Variants in CDH24 observed in about 807,000 individuals in gnomAD.
CDH24 encodes the protein cadherin 24.
Under a neutral mutation model 71.2 loss-of-function variants are expected in CDH24, and 61 were observed. That is an observed-to-expected ratio of 0.86 (90% CI 0.70 to 1.06). The LOEUF is 1.06. Ranked by LOEUF, CDH24 falls within the 50% of genes least tolerant of loss-of-function variation. The pLI is 0.00. For missense variants in CDH24, 961 were observed against 1,083.7 expected, an observed-to-expected ratio of 0.89 and a Z score of 1.59; for synonymous variants, 440 against 470.2, an observed-to-expected ratio of 0.94 and a Z score of 0.83.
chr14:23,049,390 G>A (rs2047067365), intron 10 of CDH24, 115 bp from the exon 11 acceptor site: 2 of 1,018,750 alleles, frequency 2.0e-6, no homozygotes, highest in Admixed American at 2.5e-5. Context: ...CAGCCCATAG[G>A]TCCAGCCCAT....
In CDH24 at chr14:23,055,768, C is replaced by T; in HGVS notation, c.-35G>A. 15 of 1,506,120 alleles carry T rather than the reference C, an allele frequency of 1.0e-5. No individual in the cohort carries two copies. Among genetic ancestry groups the T allele is most frequent in the Middle Eastern group, 4.9e-4 (2 of 4,082 alleles). 93.3% of individuals were successfully genotyped at this position (1,506,120 alleles called of 1,614,324 possible). ...CCAGCCAGGGCTCTGTTCACTGGCC[C>T]TGGGTGCTGAGGCTGGGCCAGGCCA... On this transcript the variant is annotated 5_prime_UTR_variant, in exon 2 of 13. Coordinates refer to ENST00000487137, the MANE Select transcript of CDH24 (RefSeq NM_144985.4). The surrounding 1 kb of genome is among the most constrained non-coding windows in gnomAD (Gnocchi z 4.1).
At chr14:23,050,430 A>C (rs1343676842) in intron 8 of CDH24, among the ~76,000 whole-genome samples, 1 of 152,086 alleles carries the variant, frequency 6.6e-6, no homozygotes, top group East Asian at 1.9e-4. Context: ...GTGCCCATAG[A>C]ATGCATTTTC....
In CDH24 at chr14:23,047,924, CAGA is replaced by C; in HGVS notation, c.*53_*55del. On this transcript the variant is annotated 3_prime_UTR_variant, in exon 12 of 13. Transcript: ENST00000487137. ...CCGCCTGGACCCCGTGGGGCTCACT[CAGA>C]GGGCCTGTGCCCGCTGCCCCCCCCC... is the stretch of plus-strand genomic sequence containing the variant. The C allele has an allele frequency of 1.6e-6, 2 of 1,257,418 alleles. No individual in the cohort carries two copies. The highest frequency in any genetic ancestry group is 2.0e-6 in the Non-Finnish European group (2 of 995,790). 77.9% of individuals were successfully genotyped at this position (1,257,418 alleles called of 1,614,324 possible).
Position 23,054,836 on chromosome 14 carries a change from T to G in CDH24, c.527A>C (p.Asp176Ala). Reference protein sequence around the residue: ...GTSVIQVTAHDADDPSYGNSA... With the variant: ...GTSVIQVTAHAADDPSYGNSA... ...GTTCCCATAGCTGGGGTCATCAGCA[T>G]CGTGAGCAGTCACCTGGATCACTGA... Residue 176 changes from aspartate to alanine, a missense_variant, in exon 4 of 13, where the codon GAT (aspartate) becomes GCT (alanine). Asp to Ala is a moderately radical substitution (Grantham distance 126). Transcript: ENST00000487137. This position sits in a 1 kb window ranked among gnomAD's most constrained non-coding sequence, Gnocchi z 5.2. The G allele has an allele frequency of 6.2e-7, 1 of 1,613,504 alleles. No homozygotes were observed. The highest frequency in any genetic ancestry group is 8.5e-7 in the Non-Finnish European group (1 of 1,179,954).
chr14:23,053,901 G>A, intron 6 of CDH24, 152 bp from the exon 7 acceptor site: 1 of 885,304 alleles, frequency 1.1e-6, no homozygotes, highest in Non-Finnish European at 1.7e-6. Context: ...TGGCCTTGGT[G>A]GTCAGGATGC....
chr14:23,055,910 C>T lies in CDH24; in HGVS notation c.-124-53G>A, dbSNP rs1014680829. On this transcript the variant is annotated intron_variant, in intron 1 of 12. Coordinates refer to ENST00000487137, the MANE Select transcript of CDH24 (RefSeq NM_144985.4). The surrounding 1 kb of genome is among the most constrained non-coding windows in gnomAD (Gnocchi z 4.1). ...AAGGAAACCCCTAGCCCTCCTCCCC[C>T]GCAAAATTAGATGCTGAAGACCAGA... The T allele has an allele frequency of 7.0e-5, 41 of 581,616 alleles. No individual in the cohort carries two copies. Among genetic ancestry groups the T allele is most frequent in the South Asian group, 3.3e-4 (14 of 42,538 alleles). 36.0% of individuals were successfully genotyped at this position (581,616 alleles called of 1,614,324 possible). A position where few individuals can be genotyped will look rare whatever the true frequency, so the allele number is the denominator to read the frequency against.
rs1272483663 is a variant in CDH24 at position 23,055,744 on chromosome 14, C to T, written c.-11G>A. 1 of 1,559,730 alleles carries T rather than the reference C, an allele frequency of 6.4e-7. No homozygotes were observed. The highest frequency in any genetic ancestry group is 2.1e-5 in the Admixed American group (1 of 46,960). Reference sequence around the variant, plus strand: ...CACCAGGCCCCACATGTTTGGACTCCAGCCAGGGCTCTGTTCACTGGCCCT... The same window carrying T: ...CACCAGGCCCCACATGTTTGGACTCTAGCCAGGGCTCTGTTCACTGGCCCT... On this transcript the variant is annotated 5_prime_UTR_variant, in exon 2 of 13. Coordinates refer to ENST00000487137, the MANE Select transcript of CDH24 (RefSeq NM_144985.4). The surrounding 1 kb of genome is among the most constrained non-coding windows in gnomAD (Gnocchi z 4.1).
chr14:23,056,003 T>G, intron 1 of CDH24, 146 bp from the exon 2 acceptor site: 1 of 433,360 alleles, frequency 2.3e-6, no homozygotes, highest in Non-Finnish European at 4.1e-6. Context: ...AGGCTGATCC[T>G]TCCTCCACCC....
In CDH24 at chr14:23,054,352, CCTT is replaced by C. The variant is rs2047108793; in HGVS notation, c.785-27_785-25del. ...GCCTTGGGATGACAGAGGGGAGACA[CCTT>C]CTCAGAGAGGTCCCCAGCCCTCCTC... On this transcript the variant is annotated intron_variant, in intron 5 of 12. Coordinates refer to ENST00000487137, the MANE Select transcript of CDH24 (RefSeq NM_144985.4). This position sits in a 1 kb window ranked among gnomAD's most constrained non-coding sequence, Gnocchi z 5.2. The C allele has an allele frequency of 6.4e-7, 1 of 1,557,562 alleles. No homozygotes were observed. The highest frequency in any genetic ancestry group is 1.9e-5 in the Admixed American group (1 of 53,200).
intron 8 of CDH24, chr14:23,052,224 GC>G: frequency 1.4e-6 from 1 of 717,008 alleles, no homozygotes; most frequent in Non-Finnish European, 2.4e-6. Flanking sequence ...CACCCACTGT[GC>G]CCACCCAGCC....
Position 23,055,734 on chromosome 14 carries a change from G to A in CDH24, c.-1C>T. 2.7e-5 allele frequency: 42 copies of A among 1,573,690 alleles called. No individual in the cohort carries two copies. The highest frequency in any genetic ancestry group is 3.5e-5 in the Non-Finnish European group (41 of 1,166,210). Reference sequence around the variant, plus strand: ...GCAGGAGCCTCACCAGGCCCCACATGTTTGGACTCCAGCCAGGGCTCTGTT... The same window carrying A: ...GCAGGAGCCTCACCAGGCCCCACATATTTGGACTCCAGCCAGGGCTCTGTT... On this transcript the variant is annotated 5_prime_UTR_variant, in exon 2 of 13. Transcript: ENST00000487137. This position sits in a 1 kb window ranked among gnomAD's most constrained non-coding sequence, Gnocchi z 4.1.
chr14:23,049,885 G>A lies in CDH24; in HGVS notation c.1422C>T (p.Asp474=). ...QVAIQTLDEN[D]NAPQLAEPYD... is the part of the protein sequence containing the mutation. ...AGGGCTCAGCCAGCTGGGGAGCATT[G>A]TCATTCTCATCCAGGGTCTGGATGG... is the stretch of plus-strand genomic sequence containing the variant. Residue 474 remains aspartate, a synonymous_variant, in exon 9 of 13, where the codon GAC becomes GAT. Transcript: ENST00000487137. 14 of 1,614,018 alleles carry A rather than the reference G, an allele frequency of 8.7e-6. No homozygotes were observed. The highest frequency in any genetic ancestry group is 1.2e-5 in the Non-Finnish European group (14 of 1,179,994).
In CDH24 at chr14:23,049,386, A is replaced by G. The variant is rs1358800494; in HGVS notation, c.1598-111T>C. 2.9e-6 allele frequency: 3 copies of G among 1,046,234 alleles called. No homozygotes were observed. In the East Asian group the frequency reaches 7.8e-5, roughly 27 times the overall value. 64.8% of individuals were successfully genotyped at this position (1,046,234 alleles called of 1,614,324 possible). A position where few individuals can be genotyped will look rare whatever the true frequency, so the allele number is the denominator to read the frequency against. ...AGCCAGCCCCCCATAGAGCCAGCCCATAGGTCCAGCCCATAGAGCCAGCTT... is the reference window on the plus strand; with the variant it reads ...AGCCAGCCCCCCATAGAGCCAGCCCGTAGGTCCAGCCCATAGAGCCAGCTT... On this transcript the variant is annotated intron_variant, in intron 10 of 12. Transcript: ENST00000487137.
In CDH24 at chr14:23,055,795, G is replaced by A. The variant is rs1055976465; in HGVS notation, c.-62C>T. 55 of 1,398,348 alleles carry A rather than the reference G, an allele frequency of 3.9e-5. No individual in the cohort carries two copies. The highest frequency in any genetic ancestry group is 1.1e-4 in the Admixed American group (4 of 35,504). The allele number at this position is 1,398,348 out of a possible 1,614,324, so 86.6% of individuals were successfully genotyped here. A position where few individuals can be genotyped will look rare whatever the true frequency, so the allele number is the denominator to read the frequency against. ...GGGTGCTGAGGCTGGGCCAGGCCAC[G>A]TGGCCCATGAGCTGGCTGGGGTGGA... On this transcript the variant is annotated 5_prime_UTR_variant, in exon 2 of 13. In the 5' UTR this introduces an upstream ATG that the reference lacks. Coordinates refer to ENST00000487137, the MANE Select transcript of CDH24 (RefSeq NM_144985.4). This position sits in a 1 kb window ranked among gnomAD's most constrained non-coding sequence, Gnocchi z 4.1.
rs775659843 is a variant in CDH24 at position 23,054,810 on chromosome 14, T to C, written c.553A>G (p.Ser185Gly). The C allele has an allele frequency of 1.2e-6, 2 of 1,613,982 alleles. No homozygotes were observed. Among genetic ancestry groups the C allele is most frequent in the Non-Finnish European group, 1.7e-6 (2 of 1,180,004 alleles). The change falls in exon 4 of 13, where the codon AGT (serine) becomes GGT (glycine). Residue 185 changes from serine (S) to glycine (G), a missense_variant. Ser to Gly is a moderately conservative substitution (Grantham distance 56). Coordinates refer to ENST00000487137, the MANE Select transcript of CDH24 (RefSeq NM_144985.4). This position sits in a 1 kb window ranked among gnomAD's most constrained non-coding sequence, Gnocchi z 5.2. Reference sequence around the variant, plus strand: ...AGAACAGTGTACACCAGCTTGGCACTGTTCCCATAGCTGGGGTCATCAGCA... The same window carrying C: ...AGAACAGTGTACACCAGCTTGGCACCGTTCCCATAGCTGGGGTCATCAGCA... Reference protein sequence around the residue: ...HDADDPSYGNSAKLVYTVLDG... With the variant: ...HDADDPSYGNGAKLVYTVLDG...
In CDH24 at chr14:23,055,017, C is replaced by T; in HGVS notation, c.496+42G>A. ...GAAGGGAAGGAGAGGTGAGAGAGCTCCAGAAGACGGGAACTGGGGCATTCA... is the reference window on the plus strand; with the variant it reads ...GAAGGGAAGGAGAGGTGAGAGAGCTTCAGAAGACGGGAACTGGGGCATTCA... On this transcript the variant is annotated intron_variant, in intron 3 of 12. Transcript: ENST00000487137. This position sits in a 1 kb window ranked among gnomAD's most constrained non-coding sequence, Gnocchi z 4.1. 6.3e-7 allele frequency: 1 copy of T among 1,594,880 alleles called. No individual in the cohort carries two copies.
Position 23,051,858 on chromosome 14 carries a change from T to C in CDH24, c.1363+615A>G. ...ATCGGGAGGGAGGTCTCCCTGTCTG[T>C]ATGGGCTAGGGCTGCCCAGAGGCAG... On this transcript the variant is annotated intron_variant, in intron 8 of 12. Transcript: ENST00000487137. This position sits in a 1 kb window ranked among gnomAD's most constrained non-coding sequence, Gnocchi z 4.4. The C allele has an allele frequency of 1.7e-6, 1 of 593,652 alleles. No homozygotes were observed. Among genetic ancestry groups the C allele is most frequent in the Non-Finnish European group, 2.9e-6 (1 of 339,780 alleles). 36.8% of individuals were successfully genotyped at this position (593,652 alleles called of 1,614,324 possible). A position where few individuals can be genotyped will look rare whatever the true frequency, so the allele number is the denominator to read the frequency against.
In CDH24 at chr14:23,054,557, C is replaced by T; in HGVS notation, c.733G>A (p.Val245Met). The T allele has an allele frequency of 6.2e-7, 1 of 1,614,090 alleles. No homozygotes were observed. Among genetic ancestry groups the T allele is most frequent in the South Asian group, 1.1e-5 (1 of 91,080 alleles). The change falls in exon 5 of 13, where the codon GTG (valine) becomes ATG (methionine). Residue 245 changes from valine (V) to methionine (M), a missense_variant. Val to Met is a conservative substitution (Grantham distance 21, BLOSUM62 1). Coordinates refer to ENST00000487137, the MANE Select transcript of CDH24 (RefSeq NM_144985.4). This position sits in a 1 kb window ranked among gnomAD's most constrained non-coding sequence, Gnocchi z 5.2. ...HMGGLSGSTT[V>M]TVTLSDVNDN... Reference sequence around the variant, plus strand: ...TTGACATCGCTGAGCGTGACAGTCACCGTAGTGCTGCCTGACAGCCCCCCC... The same window carrying T: ...TTGACATCGCTGAGCGTGACAGTCATCGTAGTGCTGCCTGACAGCCCCCCC...
chr14:23,050,655 A>G (rs915747220), intron 8 of CDH24, among the ~76,000 whole-genome samples: 5 of 152,214 alleles, frequency 3.3e-5, no homozygotes, highest in African/African-American at 1.2e-4. Flanking sequence ...AGCCAGACAC[A>G]GGCCCCATCT....
Sources: allele counts gnomAD v4.1 joint callset (sites outside exome capture counted in the v4.1 genomes callset), GRCh38; gene constraint gnomAD v4.1.1; non-coding constraint Gnocchi (gnomAD v3.1); transcripts MANE v1.5; gene names NCBI Gene and HGNC (gene_info 2026-07-23, HGNC 2026-07-21).